Variants in YWHAE observed in about 807,000 individuals in gnomAD.
The protein encoded by YWHAE is 14-3-3 protein epsilon.
YWHAE carries 4 observed loss-of-function variants against 30.1 expected under a neutral mutation model. That is an observed-to-expected ratio of 0.13 (90% CI 0.07 to 0.30). The LOEUF (loss-of-function observed/expected upper bound fraction) is 0.30. Among genes scored for constraint, YWHAE ranks in the 10% least tolerant of loss-of-function variants. The pLI, the probability that YWHAE is intolerant of heterozygous loss-of-function variation, is 1.00. For missense variants in YWHAE, 121 were observed against 315.9 expected (o/e 0.38, Z 4.68); for synonymous variants, 118 against 111.8 (o/e 1.06, Z -0.35).
intron 1 of YWHAE, among the ~76,000 whole-genome samples, chr17:1,374,963 C>A (rs986048245): frequency 2.6e-5 from 4 of 152,086 alleles, no homozygotes; most frequent in Non-Finnish European, 4.4e-5. Flanking sequence ...GTATGTCGTG[C>A]AGTGGCTATT....
intron 5 of YWHAE, among the ~76,000 whole-genome samples, chr17:1,349,037 A>C (rs573880833): frequency 7.1e-6 from 1 of 140,496 alleles, no homozygotes; most frequent in Non-Finnish European, 1.6e-5. Context: ...CGAAAAAAGG[A>C]AAAAAAAAAA....
intron 4 of YWHAE, among the ~76,000 whole-genome samples, chr17:1,358,066 T>C (rs962950897): frequency 2.6e-5 from 4 of 151,554 alleles, no homozygotes; most frequent in African/African-American, 4.9e-5. Flanking sequence ...CTCTCAACAC[T>C]TAACAAACGA....
At chr17:1,395,099 A>C (rs2073448953) in intron 1 of YWHAE, among the ~76,000 whole-genome samples, 1 of 152,074 alleles carries the variant, frequency 6.6e-6, no homozygotes, top group Non-Finnish European at 1.5e-5. Flanking sequence ...CCATGAAAAA[A>C]AAAAACAATC....
rs2072496183 is a variant in YWHAE, at chr17:1,345,284, CTG to C, written c.*161_*162del. Reference sequence around the variant, plus strand: ...TCTTGCCTTTAAGAACTTTTGAAAACTGTTTAAAAAAAAAAAAAAAAAACCAA... The same window carrying C: ...TCTTGCCTTTAAGAACTTTTGAAAACTTTAAAAAAAAAAAAAAAAAACCAA... On this transcript the variant is annotated 3_prime_UTR_variant, in exon 6 of 6. Transcript: ENST00000264335. 1 of 628,282 alleles carries C rather than the reference CTG, an allele frequency of 1.6e-6. No individual in the cohort carries two copies. Among genetic ancestry groups the C allele is most frequent in the Admixed American group, 3.4e-5 (1 of 29,786 alleles). 38.9% of individuals were successfully genotyped at this position (628,282 alleles called of 1,614,324 possible).
chr17:1,388,106 T>TTTG (rs2073330571), intron 1 of YWHAE, among the ~76,000 whole-genome samples: 1 of 46,594 alleles, frequency 2.1e-5, no homozygotes, highest in African/African-American at 1.3e-4. Flanking sequence ...TTTTTGTTTT[T>TTTG]TTTTTTGGTT....
chr17:1,358,385 G>A (rs991354712), intron 4 of YWHAE, among the ~76,000 whole-genome samples: 11 of 152,030 alleles, frequency 7.2e-5, no homozygotes, highest in Non-Finnish European at 1.5e-4. Context: ...GACTACAGGC[G>A]CCCGCCACCA....
intron 2 of YWHAE, among the ~76,000 whole-genome samples, chr17:1,362,267 C>G (rs1163141836): frequency 6.6e-6 from 1 of 152,092 alleles, no homozygotes; most frequent in Non-Finnish European, 1.5e-5. Context: ...CCCCCACACC[C>G]CCTTCACAGT....
At chr17:1,354,099 C>T (rs544215794) in intron 5 of YWHAE, 112 bp downstream of exon 5, 196 of 1,338,588 alleles carry the variant, frequency 1.5e-4, no homozygotes, top group Non-Finnish European at 1.9e-4. Context: ...AGAGGGCAGG[C>T]GGTGAATCTA....
At position 1,397,695 on chromosome 17, in the gene YWHAE, G is replaced by A. The variant is rs115210735; in HGVS notation, c.64+2352C>T. The stretch of plus-strand genomic sequence containing the variant: ...AGTTCTGTTTGGTGACCAGAACTCC[G>A]GGAAAACTTTGCCACCAGAAACAAA... On this transcript the variant is annotated intron_variant, in intron 1 of 5. Coordinates refer to ENST00000264335, the MANE Select transcript of YWHAE (RefSeq NM_006761.5). 2.2e-3 allele frequency among the ~76,000 whole-genome samples: 337 copies of A among 152,112 alleles called. 1 individual carries two copies. The highest frequency in any genetic ancestry group is 7.6e-3 in the African/African-American group (314 of 41,486).
At chr17:1,374,595 TGTTA>T (rs1325315862) in intron 1 of YWHAE, among the ~76,000 whole-genome samples, 1 of 152,112 alleles carries the variant, frequency 6.6e-6, no homozygotes, top group East Asian at 1.9e-4. Context: ...CAGGAACACT[TGTTA>T]GTTATTCTTT....
intron 1 of YWHAE, among the ~76,000 whole-genome samples, chr17:1,366,065 A>T (rs1482413915): frequency 6.6e-6 from 1 of 151,922 alleles, no homozygotes; most frequent in African/African-American, 2.4e-5. Flanking sequence ...AAAATACAAA[A>T]ATTAGCTGGG....
At chr17:1,356,171 A>ACACACACACACACACACACACAC (rs2072737906) in intron 4 of YWHAE, among the ~76,000 whole-genome samples, 2 of 143,104 alleles carry the variant, frequency 1.4e-5, no homozygotes, top group African/African-American at 5.1e-5. Context: ...TCCGTCTAAA[A>ACACACACACACACACACACACAC]ACACACACAC....
intron 1 of YWHAE, among the ~76,000 whole-genome samples, chr17:1,372,236 T>G (rs965830414): frequency 6.6e-6 from 1 of 152,224 alleles, no homozygotes; most frequent in Non-Finnish European, 1.5e-5. Context: ...CTTTCTCACC[T>G]CTCTCAGCTT....
At chr17:1,392,436 G>A (rs1418271846) in intron 1 of YWHAE, among the ~76,000 whole-genome samples, 2 of 152,100 alleles carry the variant, frequency 1.3e-5, no homozygotes, top group African/African-American at 4.8e-5. Context: ...AGTGAAAATA[G>A]CCATTTTTCT....
chr17:1,370,119 C>CTTTTTTT (rs538497835), intron 1 of YWHAE, among the ~76,000 whole-genome samples: 4 of 76,320 alleles, frequency 5.2e-5, no homozygotes, highest in Non-Finnish European at 7.2e-5. Flanking sequence ...CACAGAAAAA[C>CTTTTTTT]TTTTTTTTTT....
chr17:1,364,140 A>C (rs2072906798), intron 2 of YWHAE, among the ~76,000 whole-genome samples: 1 of 152,062 alleles, frequency 6.6e-6, no homozygotes, highest in South Asian at 2.1e-4. Context: ...ATATACACCC[A>C]CAGTAAGTAA....
chr17:1,396,812 G>A (rs954710895), intron 1 of YWHAE, among the ~76,000 whole-genome samples: 40 of 152,066 alleles, frequency 2.6e-4, no homozygotes, highest in African/African-American at 8.7e-4. Flanking sequence ...ACTACAGACG[G>A]GGTTTCTCCA....
At chr17:1,399,737 T>A (rs1398281291) in intron 1 of YWHAE, 230 of 430,762 alleles carry the variant, frequency 5.3e-4, no homozygotes, top group Non-Finnish European at 7.9e-4. Context: ...GCACCCGCCA[T>A]CTCCTCCCCC....
intron 1 of YWHAE, 126 bp downstream of exon 1, chr17:1,399,921 T>C: frequency 8.4e-7 from 1 of 1,190,042 alleles, no homozygotes; most frequent in Non-Finnish European, 1.2e-6. Flanking sequence ...CATTTCCTGC[T>C]TCCCGAACCC....
Sources: allele counts gnomAD v4.1 joint callset (sites outside exome capture counted in the v4.1 genomes callset), GRCh38; gene constraint gnomAD v4.1.1; transcripts MANE v1.5; gene names NCBI Gene and HGNC (gene_info 2026-07-23, HGNC 2026-07-21).